The following SPIRE1 variants were observed in gnomAD, a reference collection of about 807,000 sequenced individuals.
The protein encoded by SPIRE1 is spire type actin nucleation factor 1.
In SPIRE1, 40 loss-of-function variants were observed where a neutral mutation model predicts 94.1. That is an observed-to-expected ratio of 0.43 (90% confidence interval 0.33 to 0.55). The LOEUF is 0.55. Among genes scored for constraint, SPIRE1 ranks in the 20% least tolerant of loss-of-function variants. The pLI is 0.06. For missense variants in SPIRE1, 838 were observed against 975.2 expected, an observed-to-expected ratio of 0.86 and a Z score of 1.87; for synonymous variants, 376 against 371.7, an observed-to-expected ratio of 1.01 and a Z score of -0.13.
chr18:12,523,779 G>C (rs1404982555), intron 4 of SPIRE1, among the ~76,000 whole-genome samples: 2 of 152,116 alleles, frequency 1.3e-5, no homozygotes, highest in Admixed American at 1.3e-4. Context: ...GACCTCCCAG[G>C]CTCAAGCAAT....
chr18:12,525,509 T>C (rs1044343027), intron 4 of SPIRE1, among the ~76,000 whole-genome samples: 3 of 151,950 alleles, frequency 2.0e-5, no homozygotes, highest in African/African-American at 7.2e-5. Context: ...AAGAAAATTA[T>C]ACCCCTGAAA....
chr18:12,618,714 C>T (rs567608190), intron 2 of SPIRE1, among the ~76,000 whole-genome samples: 1 of 152,222 alleles, frequency 6.6e-6, no homozygotes, highest in South Asian at 2.1e-4. Flanking sequence ...TTTTTAAACA[C>T]ACACAAAAAA....
intron 2 of SPIRE1, among the ~76,000 whole-genome samples, chr18:12,617,599 C>G (rs144985301): frequency 6.6e-6 from 1 of 152,014 alleles, no homozygotes; most frequent in African/African-American, 2.4e-5. Context: ...TTAGTAGAGA[C>G]GGGGTTTCGC....
chr18:12,569,072 G>A (rs2035888123), intron 2 of SPIRE1, among the ~76,000 whole-genome samples: 1 of 152,144 alleles, frequency 6.6e-6, no homozygotes, highest in Non-Finnish European at 1.5e-5. Context: ...CGGGTGCGGT[G>A]GCTCATGCCT....
chr18:12,658,129 CCGCCT>C, upstream of SPIRE1: 2 of 951,482 alleles, frequency 2.1e-6, no homozygotes, highest in East Asian at 1.1e-4. Context: ...CCGCCCCGCC[CCGCCT>C]CGCGCCGTCC....
chr18:12,607,640 C>CAG (rs2037022026), intron 2 of SPIRE1, among the ~76,000 whole-genome samples: 1 of 142,590 alleles, frequency 7.0e-6, no homozygotes, highest in South Asian at 2.3e-4. Context: ...CACACACACA[C>CAG]AGTCTCTTGT....
chr18:12,556,601 A>T (rs2035513533), intron 2 of SPIRE1, among the ~76,000 whole-genome samples: 1 of 152,152 alleles, frequency 6.6e-6, no homozygotes, highest in Non-Finnish European at 1.5e-5. Context: ...TGCTGGCTTC[A>T]GGAGTGAAGC....
At chr18:12,525,288 A>AAT (rs1306275936) in intron 4 of SPIRE1, among the ~76,000 whole-genome samples, 2 of 146,140 alleles carry the variant, frequency 1.4e-5, no homozygotes, top group African/African-American at 2.5e-5. Flanking sequence ...AAAAAAAAAA[A>AAT]AAAAAAAAAA....
At chr18:12,491,698 G>A (rs531676194) in intron 8 of SPIRE1, among the ~76,000 whole-genome samples, 4 of 152,188 alleles carry the variant, frequency 2.6e-5, no homozygotes, top group Admixed American at 1.3e-4. Flanking sequence ...ACACAACAAC[G>A]AACAAGACAG....
intron 13 of SPIRE1, 41 bp from the exon 14 acceptor site, chr18:12,453,179 C>T: frequency 2.1e-6 from 3 of 1,411,128 alleles, no homozygotes; most frequent in South Asian, 1.2e-5. Flanking sequence ...ACATTGCCAA[C>T]AGCAAATTTC....
chr18:12,647,703 A>G (rs887218024), intron 1 of SPIRE1, among the ~76,000 whole-genome samples: 1 of 152,242 alleles, frequency 6.6e-6, no homozygotes, highest in African/African-American at 2.4e-5. Flanking sequence ...ACAGAGAGCT[A>G]TGATCACATC....
intron 2 of SPIRE1, among the ~76,000 whole-genome samples, chr18:12,552,891 T>A (rs187434693): frequency 1.3e-5 from 2 of 152,278 alleles, no homozygotes; most frequent in Admixed American, 1.3e-4. Context: ...TGTCTGCGGC[T>A]CTTCCTGCTA....
chr18:12,656,503 T>C (rs960933388), intron 1 of SPIRE1: 2 of 155,834 alleles, frequency 1.3e-5, no homozygotes, highest in East Asian at 1.9e-4. Context: ...TAACCTTGAA[T>C]ATTGTTTTAA....
chr18:12,479,628 T>G lies in SPIRE1; in HGVS notation c.1404+71A>C. 7 of 1,367,428 alleles carry G rather than the reference T, an allele frequency of 5.1e-6. No individual in the cohort carries two copies. In the South Asian group the frequency reaches 1.1e-4, roughly 21 times the overall value. 84.7% of individuals were successfully genotyped at this position (1,367,428 alleles called of 1,614,324 possible). A position where few individuals can be genotyped will look rare whatever the true frequency, so the allele number is the denominator to read the frequency against. ...TTAAGCAACAACTGAAGCAAGATAA[T>G]CAGTAAACTGCATCAGACAGCATTA... On this transcript the variant is annotated intron_variant, in intron 10 of 16. Transcript: ENST00000409402.
intron 1 of SPIRE1, among the ~76,000 whole-genome samples, chr18:12,655,105 C>T (rs1366766211): frequency 1.3e-5 from 2 of 151,148 alleles, no homozygotes; most frequent in African/African-American, 4.9e-5. Context: ...GTAACCCCAG[C>T]ACTTTAGCAG....
intron 6 of SPIRE1, among the ~76,000 whole-genome samples, chr18:12,505,522 T>C (rs1015843339): frequency 3.4e-5 from 5 of 147,802 alleles, no homozygotes; most frequent in African/African-American, 1.2e-4. Flanking sequence ...CATTGCACTT[T>C]AGCCTGGGTG....
At chr18:12,602,671 C>G (rs1019394879) in intron 2 of SPIRE1, among the ~76,000 whole-genome samples, 3 of 152,204 alleles carry the variant, frequency 2.0e-5, no homozygotes, top group African/African-American at 7.2e-5. Flanking sequence ...AGCCAGGAGG[C>G]TGCAACCCAG....
chr18:12,539,827 T>C (rs904988306), intron 3 of SPIRE1, among the ~76,000 whole-genome samples: 1 of 149,970 alleles, frequency 6.7e-6, no homozygotes, highest in African/African-American at 2.5e-5. Flanking sequence ...CTTGGGAGGC[T>C]GAGGCAGGAG....
In SPIRE1 at chr18:12,447,661, A is replaced by G. The variant is rs1294983429; in HGVS notation, c.*1977T>C. On this transcript the variant is annotated 3_prime_UTR_variant, in exon 17 of 17. Coordinates refer to ENST00000409402, the MANE Select transcript of SPIRE1 (RefSeq NM_001128626.2). ...GGTAAGAGGTGATCGTAATGCCCAA[A>G]TCATCCAATACACTATCATAAAGTG... is the stretch of plus-strand genomic sequence containing the variant. The G allele has an allele frequency of 6.6e-6, 1 of 152,168 alleles. No homozygotes were observed. Among genetic ancestry groups the G allele is most frequent in the South Asian group, 2.1e-4 (1 of 4,828 alleles). The allele number at this position is 152,168 out of a possible 1,614,324, so 9.4% of individuals were successfully genotyped here.
Sources: allele counts gnomAD v4.1 joint callset (sites outside exome capture counted in the v4.1 genomes callset), GRCh38; gene constraint gnomAD v4.1.1; transcripts MANE v1.5; gene names NCBI Gene and HGNC (gene_info 2026-07-23, HGNC 2026-07-21).